LUZP2: variants seen among roughly 807,000 people sequenced by gnomAD.
LUZP2 encodes the protein leucine zipper protein 2.
Under a neutral mutation model 51.6 loss-of-function variants are expected in LUZP2, and 52 were observed. The observed-to-expected ratio is 1.01, with a 90% CI of 0.81 to 1.27. LUZP2 has a LOEUF of 1.27. LUZP2 is among the 50% of genes most tolerant of loss of function. The pLI, the probability that LUZP2 is intolerant of heterozygous loss-of-function variation, is 0.00. For missense variants in LUZP2, 436 were observed against 395.4 expected, an observed-to-expected ratio of 1.10 and a Z score of -0.87; for synonymous variants, 154 against 137.3, an observed-to-expected ratio of 1.12 and a Z score of -0.85.
intron 10 of LUZP2, among the ~76,000 whole-genome samples, chr11:25,054,686 G>A (rs1858623880): frequency 6.6e-6 from 1 of 151,640 alleles, no homozygotes; most frequent in East Asian, 1.9e-4. Flanking sequence ...TTATCCTTAT[G>A]CTAATACCGT....
chr11:24,948,839 CT>C (rs11352028), intron 7 of LUZP2, among the ~76,000 whole-genome samples: 2 of 18,964 alleles, frequency 1.1e-4, no homozygotes, highest in Non-Finnish European at 1.8e-3. Context: ...ATCTATCTAT[CT>C]ATCTATCTAT....
chr11:24,640,960 TAGATATAGATA>T (rs1565047196), intron 1 of LUZP2, among the ~76,000 whole-genome samples: 14 of 1,610 alleles, frequency 8.7e-3, no homozygotes, highest in Admixed American at 0.031. Flanking sequence ...TATATCTGTA[TAGATATAGATA>T]TAGATATAGA....
At chr11:24,610,100 T>G (rs1854069573) in intron 1 of LUZP2, among the ~76,000 whole-genome samples, 1 of 152,212 alleles carries the variant, frequency 6.6e-6, no homozygotes, top group Admixed American at 6.5e-5. Flanking sequence ...CATTCCAACG[T>G]AACTGTGTAA....
At chr11:24,517,478 G>T (rs1465674240) in intron 1 of LUZP2, among the ~76,000 whole-genome samples, 1 of 29,394 alleles carries the variant, frequency 3.4e-5, no homozygotes, top group South Asian at 1.4e-3. Context: ...AGAGCCAGAC[G>T]CCGTCAAAAA....
intron 4 of LUZP2, among the ~76,000 whole-genome samples, chr11:24,753,882 T>C (rs530142103): frequency 1.1e-4 from 16 of 152,286 alleles, no homozygotes; most frequent in African/African-American, 2.9e-4. Context: ...TTGTAATCTT[T>C]TAAAATATTC....
At chr11:24,538,622 C>CAT (rs769828138) in intron 1 of LUZP2, among the ~76,000 whole-genome samples, 6 of 148,296 alleles carry the variant, frequency 4.0e-5, no homozygotes, top group African/African-American at 1.2e-4. Flanking sequence ...AAAATACACA[C>CAT]ATATATATGT....
chr11:24,936,462 A>C (rs1342371153), intron 7 of LUZP2, among the ~76,000 whole-genome samples: 1 of 152,212 alleles, frequency 6.6e-6, no homozygotes, highest in Non-Finnish European at 1.5e-5. Flanking sequence ...TCTCTTACTC[A>C]ATAGAGGCTT....
intron 5 of LUZP2, among the ~76,000 whole-genome samples, chr11:24,870,940 A>G (rs1432197115): frequency 1.3e-5 from 2 of 151,970 alleles, no homozygotes; most frequent in African/African-American, 4.8e-5. Flanking sequence ...TCAGTTAACC[A>G]TTTTTTTGGT....
chr11:25,055,553 T>A (rs963547816), intron 10 of LUZP2, among the ~76,000 whole-genome samples: 1 of 152,004 alleles, frequency 6.6e-6, no homozygotes, highest in Non-Finnish European at 1.5e-5. Flanking sequence ...AAAACTGTGA[T>A]GAGATTTGCA....
intron 9 of LUZP2, among the ~76,000 whole-genome samples, chr11:25,001,824 C>T (rs1000196229): frequency 6.6e-6 from 1 of 152,014 alleles, no homozygotes; most frequent in Non-Finnish European, 1.5e-5. Context: ...TCTTTGACTT[C>T]CTATCTTTCT....
intron 7 of LUZP2, among the ~76,000 whole-genome samples, chr11:24,975,440 C>A (rs987078661): frequency 2.0e-5 from 3 of 151,972 alleles, no homozygotes; most frequent in Non-Finnish European, 2.9e-5. Flanking sequence ...TTTGTTGTTG[C>A]TGTTGTTGTT....
chr11:24,888,312 A>T (rs918133043), intron 5 of LUZP2, among the ~76,000 whole-genome samples: 1 of 152,050 alleles, frequency 6.6e-6, no homozygotes, highest in Admixed American at 6.6e-5. Context: ...TCATTTATGC[A>T]TGATTTTGTC....
At chr11:24,918,606 T>G (rs188259981) in intron 7 of LUZP2, among the ~76,000 whole-genome samples, 38 of 151,792 alleles carry the variant, frequency 2.5e-4, no homozygotes, top group Non-Finnish European at 5.2e-4. Context: ...GCCAAAATCA[T>G]GCTTTTTTTA....
chr11:25,065,684 AT>A (rs1414336328), intron 10 of LUZP2, among the ~76,000 whole-genome samples: 1 of 152,042 alleles, frequency 6.6e-6, no homozygotes, highest in Non-Finnish European at 1.5e-5. Context: ...GCCAGGAAGA[AT>A]TAAAAGAATG....
intron 7 of LUZP2, among the ~76,000 whole-genome samples, chr11:24,918,088 T>G (rs906804758): frequency 4.6e-5 from 7 of 152,094 alleles, no homozygotes; most frequent in Non-Finnish European, 1.0e-4. Flanking sequence ...TTGTATTCTC[T>G]TTGAAGCAAT....
intron 5 of LUZP2, chr11:24,786,045 C>T: frequency 3.0e-6 from 3 of 985,252 alleles, no homozygotes; most frequent in Middle Eastern, 5.2e-4. Context: ...AATGTATTAA[C>T]TCATCTTTGC....
chr11:24,917,743 T>C (rs1329311195), intron 7 of LUZP2, among the ~76,000 whole-genome samples: 3 of 152,172 alleles, frequency 2.0e-5, no homozygotes, highest in Non-Finnish European at 4.4e-5. Flanking sequence ...TGTAGCCTTG[T>C]AGTATAACTT....
intron 5 of LUZP2, among the ~76,000 whole-genome samples, chr11:24,768,676 C>G (rs78323745): frequency 0.08 from 12,210 of 152,120 alleles, 1,057 homozygotes; most frequent in African/African-American, 0.22. Context: ...CTAATCATCA[C>G]GAAAATGCCA....
At chr11:24,995,073 T>C (rs1476202024) in intron 9 of LUZP2, among the ~76,000 whole-genome samples, 1 of 152,202 alleles carries the variant, frequency 6.6e-6, no homozygotes, top group East Asian at 1.9e-4. Flanking sequence ...ACAAAATAAA[T>C]TGATATAGGT....
Sources: allele counts gnomAD v4.1 joint callset (sites outside exome capture counted in the v4.1 genomes callset), GRCh38; gene constraint gnomAD v4.1.1; transcripts MANE v1.5; gene names NCBI Gene and HGNC (gene_info 2026-07-23, HGNC 2026-07-21).